The following PPP1R16B variants were observed in gnomAD, a reference collection of about 807,000 sequenced individuals.
PPP1R16B encodes protein phosphatase 1 regulatory inhibitor subunit 16B.
A neutral mutation model predicts 61.7 loss-of-function variants in PPP1R16B; 14 were observed. The ratio of observed to expected loss-of-function variants is 0.23; its 90% CI spans 0.15 to 0.35. The LOEUF is 0.35. PPP1R16B is among the 10% of genes least tolerant of loss of function. PPP1R16B has a pLI of 1.00. For missense variants in PPP1R16B, 547 were observed against 752.5 expected, an observed-to-expected ratio of 0.73 and a Z score of 3.19; for synonymous variants, 266 against 305.3, an observed-to-expected ratio of 0.87 and a Z score of 1.34.
intron 5 of PPP1R16B, 60 bp downstream of exon 5, chr20:38,900,744 TA>T (rs1568681498): frequency 7.6e-7 from 1 of 1,322,440 alleles, no homozygotes; most frequent in Non-Finnish European, 1.0e-6. Flanking sequence ...GAGCGTCCCT[TA>T]AATCAATGCA....
At chr20:38,816,428 C>G (rs2084735587) in intron 1 of PPP1R16B, among the ~76,000 whole-genome samples, 1 of 152,186 alleles carries the variant, frequency 6.6e-6, no homozygotes, top group Non-Finnish European at 1.5e-5. Flanking sequence ...GTGCTCTGAA[C>G]AGGCCTGTGG....
At chr20:38,849,520 T>TG (rs2084953954) in intron 2 of PPP1R16B, among the ~76,000 whole-genome samples, 1 of 152,242 alleles carries the variant, frequency 6.6e-6, no homozygotes, top group Non-Finnish European at 1.5e-5. Flanking sequence ...TTCCTCGTTC[T>TG]GGTTGCTTTT....
At chr20:38,885,009 C>A (rs576333370) in intron 2 of PPP1R16B, among the ~76,000 whole-genome samples, 2 of 142,046 alleles carry the variant, frequency 1.4e-5, no homozygotes, top group South Asian at 4.5e-4. Context: ...TGCACTACAG[C>A]CTGGGCAACA....
chr20:38,914,962 C>A (rs537339238), intron 10 of PPP1R16B, among the ~76,000 whole-genome samples: 1 of 152,218 alleles, frequency 6.6e-6, no homozygotes, highest in East Asian at 1.9e-4. Flanking sequence ...GCCACTGCAC[C>A]CAGCAGGGAT....
rs34432868 is a variant in PPP1R16B, at chr20:38,858,333, G to T, written c.250+22158G>T. Among the ~76,000 whole-genome samples the T allele has an allele frequency of 2.9e-3, 441 of 152,142 alleles. 3 individuals carry two copies. The highest frequency in any genetic ancestry group is 3.7e-3 in the Non-Finnish European group (251 of 68,006). ...TGTGGTGCTGGAGAAACTGATGGGGGAATTCTCTGGAATTTGTGTCCTGGG... is the reference window on the plus strand; with the variant it reads ...TGTGGTGCTGGAGAAACTGATGGGGTAATTCTCTGGAATTTGTGTCCTGGG... On this transcript the variant is annotated intron_variant, in intron 2 of 10. Transcript: ENST00000299824.
chr20:38,821,266 T>C (rs951982340), intron 1 of PPP1R16B, among the ~76,000 whole-genome samples: 1 of 152,192 alleles, frequency 6.6e-6, no homozygotes, highest in African/African-American at 2.4e-5. Context: ...TTGGTAGAAC[T>C]GACCTGGCTA....
At chr20:38,917,219 C>T (rs1463304662) in intron 10 of PPP1R16B, among the ~76,000 whole-genome samples, 2 of 151,610 alleles carry the variant, frequency 1.3e-5, no homozygotes, top group Admixed American at 6.6e-5. Flanking sequence ...TTGCTTGAAC[C>T]CGGGAGGCAG....
chr20:38,865,750 C>G (rs208812), intron 2 of PPP1R16B, among the ~76,000 whole-genome samples: 108,498 of 152,054 alleles, frequency 0.71, 39,247 homozygotes, highest in African/African-American at 0.82. Flanking sequence ...ATCTCCGGGT[C>G]TCCTGCTTCT....
chr20:38,861,918 A>C (rs1241131975), intron 2 of PPP1R16B, among the ~76,000 whole-genome samples: 1 of 150,612 alleles, frequency 6.6e-6, no homozygotes, highest in Non-Finnish European at 1.5e-5. Context: ...CTTATGATCC[A>C]CCCACCTCGG....
At chr20:38,810,209 G>T (rs1242468382) in intron 1 of PPP1R16B, among the ~76,000 whole-genome samples, 4 of 152,206 alleles carry the variant, frequency 2.6e-5, no homozygotes, top group African/African-American at 9.7e-5. Flanking sequence ...GAGGCACCGA[G>T]GCTTAAAAGT....
intron 2 of PPP1R16B, among the ~76,000 whole-genome samples, chr20:38,840,982 T>C (rs572880782): frequency 2.0e-5 from 3 of 152,314 alleles, no homozygotes; most frequent in African/African-American, 7.2e-5. Context: ...TAATCTATTA[T>C]TACAGCATAT....
chr20:38,908,463 T>C (rs1309162686), intron 10 of PPP1R16B, among the ~76,000 whole-genome samples: 5 of 152,208 alleles, frequency 3.3e-5, no homozygotes, highest in Non-Finnish European at 1.5e-5. Flanking sequence ...GGTCTCCTAA[T>C]TGACAGGGGG....
At chr20:38,815,038 A>T (rs981966217) in intron 1 of PPP1R16B, among the ~76,000 whole-genome samples, 2 of 151,718 alleles carry the variant, frequency 1.3e-5, no homozygotes, top group African/African-American at 4.8e-5. Flanking sequence ...AATGTCATTC[A>T]TTTTTTTTCT....
intron 2 of PPP1R16B, among the ~76,000 whole-genome samples, chr20:38,884,939 C>T (rs2085231713): frequency 6.8e-6 from 1 of 147,434 alleles, no homozygotes; most frequent in African/African-American, 2.5e-5. Context: ...AGCATGGTGG[C>T]ACATGACTGT....
At chr20:38,910,390 C>G (rs1359630670) in intron 10 of PPP1R16B, among the ~76,000 whole-genome samples, 1 of 152,224 alleles carries the variant, frequency 6.6e-6, no homozygotes, top group Non-Finnish European at 1.5e-5. Context: ...TCCTTTCCCC[C>G]ACTCCAAATG....
chr20:38,824,197 G>A (rs1268726540), intron 1 of PPP1R16B, among the ~76,000 whole-genome samples: 1 of 152,196 alleles, frequency 6.6e-6, no homozygotes, highest in Non-Finnish European at 1.5e-5. Context: ...GGACACAGAA[G>A]CTGCCATGAT....
intron 2 of PPP1R16B, among the ~76,000 whole-genome samples, chr20:38,850,988 T>A (rs2084965016): frequency 6.6e-6 from 1 of 151,494 alleles, no homozygotes; most frequent in South Asian, 2.1e-4. Context: ...AAAAAATTGT[T>A]GAATAGGTCA....
chr20:38,830,067 G>C (rs2084827753), intron 1 of PPP1R16B, among the ~76,000 whole-genome samples: 1 of 152,244 alleles, frequency 6.6e-6, no homozygotes, highest in Admixed American at 6.5e-5. Context: ...ACACTGCAGT[G>C]GTGCCTTCTG....
intron 1 of PPP1R16B, among the ~76,000 whole-genome samples, chr20:38,815,268 T>A (rs956125508): frequency 2.6e-5 from 4 of 152,242 alleles, no homozygotes; most frequent in African/African-American, 9.6e-5. Flanking sequence ...TTTTTCTTTT[T>A]AACACAACTA....
Sources: gnomAD v4.1 joint callset for allele counts (sites outside exome capture counted in the v4.1 genomes callset) on GRCh38, gnomAD v4.1.1 for gene constraint, MANE v1.5 for transcripts, NCBI Gene and HGNC (gene_info 2026-07-23, HGNC 2026-07-21) for gene names.